Variants in ATP6V1E1 observed in about 807,000 individuals in gnomAD.
ATP6V1E1 encodes the protein ATPase H+ transporting V1 subunit E1.
In ATP6V1E1, 21 loss-of-function variants were observed where a neutral mutation model predicts 35.2. That is an observed-to-expected ratio of 0.60 (90% CI 0.42 to 0.86). The LOEUF (loss-of-function observed/expected upper bound fraction) is 0.86, where lower values mean the gene tolerates loss of function less well. ATP6V1E1 is among the 40% of genes least tolerant of loss of function. The pLI, the probability that ATP6V1E1 is intolerant of heterozygous loss-of-function variation, is 0.00. For missense variants in ATP6V1E1, 183 were observed against 272.6 expected, an observed-to-expected ratio of 0.67 and a Z score of 2.32; for synonymous variants, 83 against 87.8, an observed-to-expected ratio of 0.95 and a Z score of 0.30.
At chr22:17,621,676 T>C (rs2057878323) in intron 1 of ATP6V1E1, among the ~76,000 whole-genome samples, 1 of 152,192 alleles carries the variant, frequency 6.6e-6, no homozygotes, top group African/African-American at 2.4e-5. Flanking sequence ...CCTACCATAC[T>C]AAACTTATTT....
intron 8 of ATP6V1E1, among the ~76,000 whole-genome samples, chr22:17,593,540 A>G (rs77996220): frequency 0.042 from 6,365 of 152,210 alleles, 463 homozygotes; most frequent in African/African-American, 0.14. Flanking sequence ...CTAGCTACAG[A>G]TGGTTATTGT....
At chr22:17,606,350 C>CA (rs1348622463) in intron 4 of ATP6V1E1, among the ~76,000 whole-genome samples, 1 of 148,634 alleles carries the variant, frequency 6.7e-6, no homozygotes, top group Non-Finnish European at 1.5e-5. Context: ...AAAATCCACT[C>CA]AAAGCATGTA....
intron 4 of ATP6V1E1, among the ~76,000 whole-genome samples, chr22:17,605,655 C>CTAATTT (rs910795773): frequency 5.5e-5 from 8 of 145,806 alleles, no homozygotes; most frequent in Non-Finnish European, 1.0e-4. Context: ...CCTAGGTGAT[C>CTAATTT]TAATTTTTTT....
At chr22:17,610,369 C>T (rs2057809484) in intron 4 of ATP6V1E1, among the ~76,000 whole-genome samples, 1 of 152,132 alleles carries the variant, frequency 6.6e-6, no homozygotes, top group African/African-American at 2.4e-5. Flanking sequence ...GGGTTGTTTA[C>T]ATCCAGTTAT....
rs749538989 is a variant in ATP6V1E1 at position 17,619,530 on chromosome 22, T to C, written c.34-4A>G. 3.2e-6 allele frequency: 5 copies of C among 1,574,824 alleles called. No individual in the cohort carries two copies. In the South Asian group the frequency reaches 4.7e-5, roughly 15 times the overall value. ...TGAAAGCCATCATATGCTTTATCTA[T>C]AAGGAAAAAAAGTTTTATTTTTTAG... is the stretch of plus-strand genomic sequence containing the variant. On this transcript the variant is annotated splice_polypyrimidine_tract_variant and splice_region_variant and intron_variant, in intron 1 of 8. Coordinates refer to ENST00000253413, the MANE Select transcript of ATP6V1E1 (RefSeq NM_001696.4).
chr22:17,623,777 T>C (rs1263971844), intron 1 of ATP6V1E1, among the ~76,000 whole-genome samples: 1 of 152,186 alleles, frequency 6.6e-6, no homozygotes. Context: ...CCTTTAGCAC[T>C]CTGCTGCACC....
chr22:17,621,076 T>C (rs1002013002), intron 1 of ATP6V1E1, among the ~76,000 whole-genome samples: 1 of 151,742 alleles, frequency 6.6e-6, no homozygotes, highest in Admixed American at 6.6e-5. Flanking sequence ...AAAAAAATAG[T>C]TCTTTACCTT....
intron 1 of ATP6V1E1, among the ~76,000 whole-genome samples, chr22:17,621,690 T>C (rs2057878409): frequency 1.3e-5 from 2 of 152,186 alleles, no homozygotes; most frequent in South Asian, 2.1e-4. Flanking sequence ...CTTATTTCAG[T>C]TCCTTGAGCT....
chr22:17,617,665 T>G (rs2057853608), intron 2 of ATP6V1E1, among the ~76,000 whole-genome samples: 1 of 152,116 alleles, frequency 6.6e-6, no homozygotes, highest in African/African-American at 2.4e-5. Context: ...AAAGAACATT[T>G]TGACATACTG....
chr22:17,613,422 T>A lies in ATP6V1E1; in HGVS notation c.100-102A>T, dbSNP rs539143003. The A allele has an allele frequency of 6.3e-5, 52 of 827,570 alleles. No homozygotes were observed. The African/African-American group carries it at 7.8e-4, about 12-fold the overall frequency. The allele number at this position is 827,570 out of a possible 1,614,324, so 51.3% of individuals were successfully genotyped here. A position where few individuals can be genotyped will look rare whatever the true frequency, so the allele number is the denominator to read the frequency against. ...TACTTGCTTATGAACACTAATTTCA[T>A]ATATAAAACAGAAAATTTATTGTGA... On this transcript the variant is annotated intron_variant, in intron 2 of 8. Transcript: ENST00000253413.
At chr22:17,619,410 AAAC>A (rs1436626301) in intron 2 of ATP6V1E1, 48 bp downstream of exon 2, 2 of 1,507,432 alleles carry the variant, frequency 1.3e-6, no homozygotes, top group African/African-American at 2.8e-5. Flanking sequence ...TAGCAAAGCA[AAAC>A]AATATGGAAA....
In ATP6V1E1 at chr22:17,616,694, A is replaced by AG. The variant is rs1428049319; in HGVS notation, c.99+2766_99+2767insC. On this transcript the variant is annotated intron_variant, in intron 2 of 8. Transcript: ENST00000253413. ...AACTCCGGCTCAAAAAAAAAAAAAA[A>AG]AAAGAAATGCATTTCCTGAAATAAT... Among the ~76,000 whole-genome samples the AG allele has an allele frequency of 6.4e-4, 95 of 149,092 alleles. 1 individual carries two copies. The highest frequency in any genetic ancestry group is 1.0e-3 in the Non-Finnish European group (70 of 67,218).
At chr22:17,593,849 T>C (rs1388372282) in intron 8 of ATP6V1E1, among the ~76,000 whole-genome samples, 1 of 152,076 alleles carries the variant, frequency 6.6e-6, no homozygotes, top group African/African-American at 2.4e-5. Flanking sequence ...TTTCCTAGAG[T>C]TCCTGTGTAC....
At chr22:17,600,865 A>G in intron 5 of ATP6V1E1, 1 of 343,962 alleles carries the variant, frequency 2.9e-6, no homozygotes, top group Non-Finnish European at 5.3e-6. Context: ...ATTGAGTAGT[A>G]GGCCTGGAAG....
chr22:17,624,522 C>G (rs2057893863), intron 1 of ATP6V1E1, among the ~76,000 whole-genome samples: 9 of 151,932 alleles, frequency 5.9e-5, no homozygotes, highest in African/African-American at 2.4e-5. Context: ...CCATGGCACT[C>G]CAGCCTGGGC....
At chr22:17,599,316 C>T (rs1367155049) in intron 6 of ATP6V1E1, among the ~76,000 whole-genome samples, 1 of 150,728 alleles carries the variant, frequency 6.6e-6, no homozygotes, top group Non-Finnish European at 1.5e-5. Flanking sequence ...GTGGCTCGCA[C>T]CTGTAATCCC....
intron 7 of ATP6V1E1, among the ~76,000 whole-genome samples, chr22:17,595,896 C>T (rs975832080): frequency 1.3e-5 from 2 of 151,796 alleles, no homozygotes; most frequent in South Asian, 2.1e-4. Flanking sequence ...TTTGAGAGGC[C>T]GAGGTGGGCA....
intron 1 of ATP6V1E1, among the ~76,000 whole-genome samples, chr22:17,623,656 CA>C (rs11410655): frequency 3.3e-3 from 365 of 111,722 alleles, no homozygotes; most frequent in Middle Eastern, 5.0e-3. Context: ...GACTCTGTCT[CA>C]AAAAAAAAAA....
intron 6 of ATP6V1E1, 36 bp from the exon 7 acceptor site, chr22:17,598,324 G>C (rs375428097): frequency 1.1e-4 from 166 of 1,501,972 alleles, no homozygotes; most frequent in Non-Finnish European, 1.5e-4. Context: ...GTGTCACTAG[G>C]AACTATGAAG....
Sources: gnomAD v4.1 joint callset for allele counts (sites outside exome capture counted in the v4.1 genomes callset) on GRCh38, gnomAD v4.1.1 for gene constraint, MANE v1.5 for transcripts, NCBI Gene and HGNC (gene_info 2026-07-23, HGNC 2026-07-21) for gene names.